Variants in CDV3 observed in about 807,000 individuals in gnomAD.
CDV3 encodes protein CDV3 homolog.
In CDV3, 14 loss-of-function variants were observed where a neutral mutation model predicts 24.5. That is an observed-to-expected ratio of 0.57 (90% CI 0.38 to 0.89). The LOEUF is 0.89. CDV3 is among the 40% of genes least tolerant of loss of function. The pLI, the probability that CDV3 is intolerant of heterozygous loss-of-function variation, is 0.00. For synonymous variants in CDV3, 114 were observed against 114.1 expected, an observed-to-expected ratio of 1.00 and a Z score of 0.00; for missense variants, 304 against 310.2, an observed-to-expected ratio of 0.98 and a Z score of 0.15.
Position 133,588,205 on chromosome 3 carries a change from C to G in CDV3, c.*159C>G, listed in dbSNP as rs887672198. The stretch of plus-strand genomic sequence containing the variant: ...CACTATGGAAGTTAAAGTGTCACGA[C>G]TGCTCTATGCATATTGGATTTAGGG... On this transcript the variant is annotated 3_prime_UTR_variant, in exon 5 of 5. Transcript: ENST00000264993. The G allele has an allele frequency of 6.5e-7, 1 of 1,528,046 alleles. No homozygotes were observed. Among genetic ancestry groups the G allele is most frequent in the East Asian group, 2.4e-5 (1 of 41,310 alleles). 94.7% of individuals were successfully genotyped at this position (1,528,046 alleles called of 1,614,324 possible).
chr3:133,585,740 C>T (rs556839060), intron 3 of CDV3, among the ~76,000 whole-genome samples: 1 of 152,218 alleles, frequency 6.6e-6, no homozygotes, highest in East Asian at 1.9e-4. Flanking sequence ...AGGTGATCTG[C>T]CTGCCTCGGG....
chr3:133,587,615 T>TA, intron 4 of CDV3: 1 of 1,151,084 alleles, frequency 8.7e-7, no homozygotes, highest in Non-Finnish European at 1.1e-6. Context: ...GGAATGTCAT[T>TA]ACACAGCTTT....
chr3:133,590,196 A>C lies in CDV3; in HGVS notation c.*2150A>C, dbSNP rs1045214937. 1.3e-5 allele frequency: 2 copies of C among 152,188 alleles called. No homozygotes were observed. The highest frequency in any genetic ancestry group is 4.8e-5 in the African/African-American group (2 of 41,440). The allele number at this position is 152,188 out of a possible 1,614,324, so 9.4% of individuals were successfully genotyped here. ...CATTGTACCATTTGTTTGAATTCTC[A>C]GGCATGGTTTGGCAGTGCAAGAATT... On this transcript the variant is annotated 3_prime_UTR_variant, in exon 5 of 5. Coordinates refer to ENST00000264993, the MANE Select transcript of CDV3 (RefSeq NM_017548.5).
intron 2 of CDV3, among the ~76,000 whole-genome samples, chr3:133,577,413 T>C (rs1576638121): frequency 6.6e-6 from 1 of 151,306 alleles, no homozygotes; most frequent in Non-Finnish European, 1.5e-5. Context: ...CAGGCTGGAG[T>C]GCAATGGTGC....
chr3:133,575,666 A>T (rs2074778367), intron 2 of CDV3, among the ~76,000 whole-genome samples: 1 of 152,214 alleles, frequency 6.6e-6, no homozygotes, highest in Admixed American at 6.5e-5. Context: ...CAACATAACC[A>T]CTATTCTAAC....
Position 133,587,961 on chromosome 3 carries a change from CA to C in CDV3, c.698del (p.Asn233ThrfsTer8). ...AAAAATAGAGGTAGGGATGAGGTTT[CA>C]AAAAACCAGGCCCTTAAACTTCAGC... ...RHKNRGRDEV[S>X]KNQALKLQLD... On this transcript the variant is annotated frameshift_variant, in exon 5 of 5. Transcript: ENST00000264993. LOFTEE classifies it high-confidence loss of function. 1 of 1,613,982 alleles carries C rather than the reference CA, an allele frequency of 6.2e-7. No homozygotes were observed. The highest frequency in any genetic ancestry group is 8.5e-7 in the Non-Finnish European group (1 of 1,179,928).
Position 133,584,150 on chromosome 3 carries a change from G to T in CDV3, c.466G>T (p.Val156Phe). Residue 156 changes from valine (V) to phenylalanine (F), a missense_variant and splice_region_variant, in exon 3 of 5, where the codon GTT becomes TTT. By Grantham distance (50) the Val-to-Phe change is conservative. Around this residue, in one of 3 missense-constraint regions of CDV3, gnomAD observed 219 missense variants for 203.6 expected, o/e 1.08. Coordinates refer to ENST00000264993, the MANE Select transcript of CDV3 (RefSeq NM_017548.5). ...ACAAGCACCTCCTGCTCCAGTAATTGGTAATTTTACTATTTCAGTTTCAGA... is the reference window on the plus strand; with the variant it reads ...ACAAGCACCTCCTGCTCCAGTAATTTGTAATTTTACTATTTCAGTTTCAGA... ...PVQAPPAPVI[V>F]TETPEPAMTS... The T allele has an allele frequency of 1.9e-6, 3 of 1,585,908 alleles. No individual in the cohort carries two copies. The highest frequency in any genetic ancestry group is 2.6e-6 in the Non-Finnish European group (3 of 1,170,124).
intron 1 of CDV3, 90 bp from the exon 2 acceptor site, chr3:133,574,949 A>G: frequency 1.1e-6 from 1 of 881,348 alleles, no homozygotes; most frequent in African/African-American, 1.7e-5. Flanking sequence ...TTTAGGTTCC[A>G]GCCACTTGAT....
At chr3:133,577,126 G>A (rs2074845902) in intron 2 of CDV3, among the ~76,000 whole-genome samples, 1 of 151,748 alleles carries the variant, frequency 6.6e-6, no homozygotes, top group South Asian at 2.1e-4. Flanking sequence ...GATTACAGGT[G>A]TGAGCCACAG....
chr3:133,578,425 A>G (rs1406891573), intron 2 of CDV3, among the ~76,000 whole-genome samples: 1 of 152,152 alleles, frequency 6.6e-6, no homozygotes, highest in Non-Finnish European at 1.5e-5. Flanking sequence ...CTAGACTTAA[A>G]CCTTTTAGGT....
chr3:133,584,229 A>G (rs1285675050), intron 3 of CDV3, 79 bp downstream of exon 3: 3 of 1,070,272 alleles, frequency 2.8e-6, no homozygotes, highest in Non-Finnish European at 4.1e-6. Flanking sequence ...AACTAAGTGC[A>G]TGATTGTGGT....
intron 1 of CDV3, 57 bp downstream of exon 1, chr3:133,574,341 G>T (rs1012979715): frequency 3.3e-6 from 3 of 912,970 alleles, no homozygotes; most frequent in Non-Finnish European, 3.9e-6. Flanking sequence ...CGCCCCATGT[G>T]CCCGCCCCCG....
Position 133,574,054 on chromosome 3 carries a change from A to G in CDV3, c.10A>G (p.Thr4Ala). Residue 4 changes from threonine (T) to alanine (A), a missense_variant, in exon 1 of 5, where the codon ACG (threonine) becomes GCG (alanine). This residue lies in a region of CDV3 where 219 missense variants were observed against 203.6 expected (regional missense o/e 1.08). Coordinates refer to ENST00000264993, the MANE Select transcript of CDV3 (RefSeq NM_017548.5). Reference sequence around the variant, plus strand: ...CGAGGAGGCCGAGGCCATGGCTGAGACGGAGGAGCGGAGCCTGGACAACTT... The same window carrying G: ...CGAGGAGGCCGAGGCCATGGCTGAGGCGGAGGAGCGGAGCCTGGACAACTT... MAETEERSLDNFFA... is the reference protein window; with the variant it reads MAEAEERSLDNFFA... 1 of 1,212,048 alleles carries G rather than the reference A, an allele frequency of 8.3e-7. No homozygotes were observed. The highest frequency in any genetic ancestry group is 1.1e-6 in the Non-Finnish European group (1 of 950,430). 75.1% of individuals were successfully genotyped at this position (1,212,048 alleles called of 1,614,324 possible).
rs956842647 is a variant in CDV3 at position 133,581,854 on chromosome 3, A to G, written c.318-2148A>G. ...ACATGAATACTACCTCCATGTCAGC[A>G]TAGGGTTTACATTTTAAATGGCTGC... On this transcript the variant is annotated intron_variant, in intron 2 of 4. Transcript: ENST00000264993. Among the ~76,000 whole-genome samples the G allele has an allele frequency of 1.3e-5, 2 of 152,348 alleles. 1 individual carries two copies.
At chr3:133,581,754 TTTAAA>T (rs1394694564) in intron 2 of CDV3, among the ~76,000 whole-genome samples, 4 of 152,328 alleles carry the variant, frequency 2.6e-5, no homozygotes, top group Admixed American at 2.6e-4. Flanking sequence ...TATAAAACTT[TTTAAA>T]ATTGTTGTAG....
Position 133,574,734 on chromosome 3 carries a change from G to A in CDV3, c.241-305G>A, listed in dbSNP as rs2074737494. The A allele has an allele frequency of 2.7e-6, 3 of 1,097,588 alleles. No homozygotes were observed. In the South Asian group the frequency reaches 8.6e-5, roughly 31 times the overall value. The allele number at this position is 1,097,588 out of a possible 1,614,324, so 68.0% of individuals were successfully genotyped here. ...CCCGTGAAAGAAAAAGAAAACTCTC[G>A]GTGGCAAGGTTGAAGTAGAAATGTA... On this transcript the variant is annotated intron_variant, in intron 1 of 4. Coordinates refer to ENST00000264993, the MANE Select transcript of CDV3 (RefSeq NM_017548.5).
intron 2 of CDV3, among the ~76,000 whole-genome samples, chr3:133,583,749 G>A (rs983357858): frequency 1.3e-5 from 2 of 152,112 alleles, no homozygotes; most frequent in East Asian, 3.9e-4. Context: ...TTTTAGTACA[G>A]ATGGGTTTCG....
At chr3:133,576,215 G>A (rs1267305352) in intron 2 of CDV3, among the ~76,000 whole-genome samples, 1 of 152,228 alleles carries the variant, frequency 6.6e-6, no homozygotes, top group Non-Finnish European at 1.5e-5. Flanking sequence ...CCCCCAGATT[G>A]ATAATGGGAA....
At position 133,573,994 on chromosome 3, in the gene CDV3, G is replaced by C. The variant is rs757993514; in HGVS notation, c.-51G>C. The C allele has an allele frequency of 9.8e-7, 1 of 1,018,522 alleles. No individual in the cohort carries two copies. The highest frequency in any genetic ancestry group is 1.2e-6 in the Non-Finnish European group (1 of 851,654). 63.1% of individuals were successfully genotyped at this position (1,018,522 alleles called of 1,614,324 possible). ...CTCGACCCCGAGCTCGGAGCCCCGC[G>C]GGCCGCGCCCGCCGCCGGCCCCACC... On this transcript the variant is annotated 5_prime_UTR_variant, in exon 1 of 5. Coordinates refer to ENST00000264993, the MANE Select transcript of CDV3 (RefSeq NM_017548.5).
Sources: allele counts gnomAD v4.1 joint callset (sites outside exome capture counted in the v4.1 genomes callset), GRCh38; gene constraint gnomAD v4.1.1; regional missense constraint gnomAD v4.1.1; transcripts MANE v1.5; gene names NCBI Gene and HGNC (gene_info 2026-07-23, HGNC 2026-07-21).